Variants in EPHA3 observed in about 807,000 individuals in gnomAD.
EPHA3 encodes the protein ephrin type-A receptor 3.
A neutral mutation model predicts 107.1 loss-of-function variants in EPHA3; 42 were observed. The observed-to-expected ratio is 0.39, with a 90% CI of 0.31 to 0.51. EPHA3 has a LOEUF of 0.51. Ranked by LOEUF, EPHA3 falls within the 20% of genes least tolerant of loss-of-function variation. The pLI, the probability that EPHA3 is intolerant of heterozygous loss-of-function variation, is 0.78. For synonymous variants in EPHA3, 461 were observed against 424.8 expected, an observed-to-expected ratio of 1.09 and a Z score of -1.05; for missense variants, 1,183 against 1,211.2, an observed-to-expected ratio of 0.98 and a Z score of 0.35.
chr3:89,454,857 G>A (rs1710065564), intron 15 of EPHA3, among the ~76,000 whole-genome samples: 1 of 152,008 alleles, frequency 6.6e-6, no homozygotes, highest in Admixed American at 6.6e-5. Context: ...GGCCAGGCAT[G>A]GTGGTGTTTG....
chr3:89,381,119 C>T (rs1708496623), intron 5 of EPHA3, among the ~76,000 whole-genome samples: 1 of 151,916 alleles, frequency 6.6e-6, no homozygotes, highest in African/African-American at 2.4e-5. Flanking sequence ...ACTGCAGGCA[C>T]CCGCCACCAC....
intron 2 of EPHA3, among the ~76,000 whole-genome samples, chr3:89,189,775 T>C (rs1192691542): frequency 6.6e-6 from 1 of 152,230 alleles, no homozygotes; most frequent in Non-Finnish European, 1.5e-5. Context: ...ATTATCTATT[T>C]TTTAAAACTA....
intron 3 of EPHA3, among the ~76,000 whole-genome samples, chr3:89,336,377 T>A (rs1707393480): frequency 6.6e-6 from 1 of 152,104 alleles, no homozygotes; most frequent in Non-Finnish European, 1.5e-5. Context: ...TCTTTAATAC[T>A]CAGGATGATT....
chr3:89,187,051 T>A (rs1705583590), intron 2 of EPHA3, among the ~76,000 whole-genome samples: 1 of 151,902 alleles, frequency 6.6e-6, no homozygotes, highest in Non-Finnish European at 1.5e-5. Context: ...AACTTAATAG[T>A]AGTATACAGT....
At chr3:89,442,695 G>A (rs949430628) in intron 13 of EPHA3, among the ~76,000 whole-genome samples, 2 of 152,070 alleles carry the variant, frequency 1.3e-5, no homozygotes, top group Non-Finnish European at 2.9e-5. Context: ...TTTCTCTCAG[G>A]TACTTTCTAT....
chr3:89,333,388 AT>A (rs961286870), intron 3 of EPHA3, among the ~76,000 whole-genome samples: 2 of 152,118 alleles, frequency 1.3e-5, no homozygotes, highest in Non-Finnish European at 2.9e-5. Context: ...TCTTACTCAT[AT>A]TTTTAGTATT....
chr3:89,360,007 T>C (rs1262925705), intron 5 of EPHA3, among the ~76,000 whole-genome samples: 1 of 150,006 alleles, frequency 6.7e-6, no homozygotes, highest in African/African-American at 2.4e-5. Flanking sequence ...GGAGACATTA[T>C]TACCCTTATT....
intron 3 of EPHA3, among the ~76,000 whole-genome samples, chr3:89,259,950 G>C (rs78236655): frequency 1.0e-3 from 159 of 152,218 alleles, no homozygotes; most frequent in African/African-American, 3.7e-3. Flanking sequence ...ATTTCATGTA[G>C]CATAATGTCC....
intron 16 of EPHA3, among the ~76,000 whole-genome samples, chr3:89,473,936 A>T (rs530697595): frequency 6.6e-6 from 1 of 152,248 alleles, no homozygotes; most frequent in South Asian, 2.1e-4. Flanking sequence ...TCTTTGTGTC[A>T]GTCTTTCTTT....
At chr3:89,315,014 T>C (rs1706860895) in intron 3 of EPHA3, among the ~76,000 whole-genome samples, 1 of 151,806 alleles carries the variant, frequency 6.6e-6, no homozygotes, top group Non-Finnish European at 1.5e-5. Context: ...CTGATTAGTG[T>C]TAAGGAAATA....
intron 3 of EPHA3, among the ~76,000 whole-genome samples, chr3:89,222,041 G>A (rs1462603635): frequency 6.6e-6 from 1 of 151,968 alleles, no homozygotes; most frequent in East Asian, 1.9e-4. Flanking sequence ...GGCATCTCTG[G>A]CCTTTATTTT....
intron 2 of EPHA3, among the ~76,000 whole-genome samples, chr3:89,179,233 C>A (rs1705384223): frequency 1.3e-5 from 2 of 151,954 alleles, no homozygotes; most frequent in South Asian, 2.1e-4. Context: ...ATTAATATGT[C>A]TTTTTCTAAT....
At chr3:89,364,298 A>T (rs1201086566) in intron 5 of EPHA3, among the ~76,000 whole-genome samples, 2 of 150,944 alleles carry the variant, frequency 1.3e-5, no homozygotes, top group African/African-American at 4.8e-5. Context: ...AGAATTGCTT[A>T]AAATATCATT....
chr3:89,236,210 G>A (rs1323711660), intron 3 of EPHA3, among the ~76,000 whole-genome samples: 1 of 151,856 alleles, frequency 6.6e-6, no homozygotes, highest in Non-Finnish European at 1.5e-5. Flanking sequence ...AGTAAACTAA[G>A]CCTTTCTTCT....
At chr3:89,199,154 A>T (rs573032491) in intron 2 of EPHA3, among the ~76,000 whole-genome samples, 143 of 152,308 alleles carry the variant, frequency 9.4e-4, no homozygotes, top group African/African-American at 3.4e-3. Context: ...ATCTCTGATG[A>T]ATGTCAACAG....
intron 2 of EPHA3, among the ~76,000 whole-genome samples, chr3:89,145,775 A>C (rs1704543090): frequency 6.6e-6 from 1 of 151,124 alleles, no homozygotes; most frequent in Admixed American, 6.6e-5. Context: ...TTTTTTTCTC[A>C]AGTGTGTCTA....
At chr3:89,289,721 G>T (rs1437115830) in intron 3 of EPHA3, among the ~76,000 whole-genome samples, 1 of 151,980 alleles carries the variant, frequency 6.6e-6, no homozygotes, top group Non-Finnish European at 1.5e-5. Flanking sequence ...TCATGCAAGG[G>T]GTGACAGAGA....
chr3:89,236,226 A>G (rs1704757279), intron 3 of EPHA3, among the ~76,000 whole-genome samples: 1 of 152,008 alleles, frequency 6.6e-6, no homozygotes, highest in African/African-American at 2.4e-5. Context: ...CTTCTCCTAA[A>G]TATATACCCC....
At chr3:89,192,391 A>T (rs1358495017) in intron 2 of EPHA3, among the ~76,000 whole-genome samples, 1 of 152,136 alleles carries the variant, frequency 6.6e-6, no homozygotes, top group African/African-American at 2.4e-5. Context: ...TTTCTTCAAA[A>T]TAGTAAGGCT....
Sources: allele counts gnomAD v4.1 joint callset (sites outside exome capture counted in the v4.1 genomes callset), GRCh38; gene constraint gnomAD v4.1.1; transcripts MANE v1.5; gene names NCBI Gene and HGNC (gene_info 2026-07-23, HGNC 2026-07-21).